Variants in BCAS3 observed in about 807,000 individuals in gnomAD.
The protein encoded by BCAS3 is BCAS3 microtubule associated cell migration factor.
Under a neutral mutation model 116.1 loss-of-function variants are expected in BCAS3, and 53 were observed. The observed-to-expected ratio is 0.46, with a 90% confidence interval of 0.37 to 0.57. The LOEUF (loss-of-function observed/expected upper bound fraction) is 0.57. Among genes scored for constraint, BCAS3 ranks in the 20% least tolerant of loss-of-function variants. The pLI is 0.00. For synonymous variants in BCAS3, 391 were observed against 408.2 expected (o/e 0.96, Z 0.51); for missense variants, 917 against 1,165.4 (o/e 0.79, Z 3.10).
rs73990938 is a variant in BCAS3, at chr17:60,678,817, C to T, written c.-5-636C>T. ...TCTCAACATAAAATTGCAGTAAATT[C>T]CCATCCCATGATCTGGTTCTCTCAC... On this transcript the variant is annotated intron_variant, in intron 1 of 23. Coordinates refer to ENST00000407086, the MANE Select transcript of BCAS3 (RefSeq NM_017679.5). Among the ~76,000 whole-genome samples the T allele has an allele frequency of 5.5e-3, 835 of 152,266 alleles. 5 individuals are homozygous for T. The highest frequency in any genetic ancestry group is 0.019 in the African/African-American group (807 of 41,552).
At chr17:60,896,464 A>G (rs9905011) in intron 10 of BCAS3, among the ~76,000 whole-genome samples, 28,581 of 152,154 alleles carry the variant, frequency 0.19, 3,265 homozygotes, top group African/African-American at 0.32. Context: ...GATATAGTAT[A>G]TACTAATATT....
At position 61,391,728 on chromosome 17, in the gene BCAS3, G is replaced by T. The variant is rs1023132301; in HGVS notation, c.2594-249G>T. Reference sequence around the variant, plus strand: ...GGTGGCCGTGCTTCGGGCCTAAAGGGCTTCCCGCAGCAGGGAGACGGTGCT... The same window carrying T: ...GGTGGCCGTGCTTCGGGCCTAAAGGTCTTCCCGCAGCAGGGAGACGGTGCT... On this transcript the variant is annotated intron_variant, in intron 23 of 23. Transcript: ENST00000407086. This position sits in a 1 kb window ranked among gnomAD's most constrained non-coding sequence, Gnocchi z 7.7. 1 of 522,422 alleles carries T rather than the reference G, an allele frequency of 1.9e-6. No individual in the cohort carries two copies. Among genetic ancestry groups the T allele is most frequent in the Non-Finnish European group, 3.4e-6 (1 of 291,114 alleles). The allele number at this position is 522,422 out of a possible 1,614,324, so 32.4% of individuals were successfully genotyped here.
Position 60,902,632 on chromosome 17 carries a change from C to A in BCAS3, c.751C>A (p.His251Asn). 6.2e-7 allele frequency: 1 copy of A among 1,610,656 alleles called. No individual in the cohort carries two copies. Among genetic ancestry groups the A allele is most frequent in the Non-Finnish European group, 8.5e-7 (1 of 1,176,930 alleles). The stretch of plus-strand genomic sequence containing the variant: ...CTCTTTTTCTCAGTTGATTCGATGT[C>A]ATCAGTCCCGTGGTGGAGCCTGTGG... ...AYAENKLIRC[H>N]QSRGGACGDN... Residue 251 changes from histidine to asparagine, a missense_variant, in exon 11 of 24, where the codon CAT becomes AAT. Coordinates refer to ENST00000407086, the MANE Select transcript of BCAS3 (RefSeq NM_017679.5).
intron 22 of BCAS3, among the ~76,000 whole-genome samples, chr17:61,360,537 TCTG>T (rs1341453900): frequency 6.6e-6 from 1 of 152,210 alleles, no homozygotes; most frequent in East Asian, 1.9e-4. Flanking sequence ...CCTTGCTTCT[TCTG>T]GCTTCTCACC....
At chr17:61,384,132 G>A (rs947307060) in intron 23 of BCAS3, among the ~76,000 whole-genome samples, 6 of 152,192 alleles carry the variant, frequency 3.9e-5, no homozygotes, top group South Asian at 2.1e-4. Context: ...GAGTGGTGGC[G>A]TGGCAGCACC....
In BCAS3 at chr17:61,185,804, C is replaced by T. The variant is rs2079735923; in HGVS notation, c.2425+101240C>T. 2.0e-5 allele frequency among the ~76,000 whole-genome samples: 3 copies of T among 152,120 alleles called. No individual in the cohort carries two copies. The South Asian group carries it at 6.2e-4, about 32-fold the overall frequency. On this transcript the variant is annotated intron_variant, in intron 22 of 23. Coordinates refer to ENST00000407086, the MANE Select transcript of BCAS3 (RefSeq NM_017679.5). ...AAAATTTGAGTGAGAAATCGGTTAC[C>T]TTATACAGTTAAACATAGTTTAATG... is the stretch of plus-strand genomic sequence containing the variant.
chr17:61,042,037 T>C (rs2067551648), intron 19 of BCAS3, among the ~76,000 whole-genome samples: 1 of 152,016 alleles, frequency 6.6e-6, no homozygotes, highest in African/African-American at 2.4e-5. Flanking sequence ...AGCAGTGACG[T>C]GTGTTGCCTA....
At chr17:61,148,056 G>T (rs567366706) in intron 22 of BCAS3, among the ~76,000 whole-genome samples, 4 of 152,206 alleles carry the variant, frequency 2.6e-5, no homozygotes, top group African/African-American at 9.6e-5. Context: ...GATACAGTAT[G>T]TGCTAAATTC....
At chr17:61,025,301 A>G in intron 16 of BCAS3, among the ~76,000 whole-genome samples, 1 of 152,060 alleles carries the variant, frequency 6.6e-6, no homozygotes, top group Non-Finnish European at 1.5e-5. Context: ...TCTTTAATGA[A>G]GTAGAATAAA....
rs2033173602 is a variant in BCAS3, at chr17:60,681,810, A to ACCTCCG, written c.84-2166_84-2161dup. ...GATGGCACGATCTCGGCTCACCGCAACCTCCGCCTCCTGGGTTCAAGCGAT... is the reference window on the plus strand; with the variant it reads ...GATGGCACGATCTCGGCTCACCGCAACCTCCGCCTCCGCCTCCTGGGTTCAAGCGAT... On this transcript the variant is annotated intron_variant, in intron 2 of 23. Coordinates refer to ENST00000407086, the MANE Select transcript of BCAS3 (RefSeq NM_017679.5). Among the ~76,000 whole-genome samples, 3 of 151,934 alleles carry ACCTCCG rather than the reference A, an allele frequency of 2.0e-5. No homozygotes were observed. In the South Asian group the frequency reaches 6.2e-4, roughly 32 times the overall value.
intron 22 of BCAS3, among the ~76,000 whole-genome samples, chr17:61,296,092 C>A (rs2052878393): frequency 6.6e-6 from 1 of 152,126 alleles, no homozygotes; most frequent in East Asian, 1.9e-4. Flanking sequence ...TTGGTTTTGC[C>A]AGTGATATTT....
chr17:60,947,413 G>T, intron 14 of BCAS3, 61 bp downstream of exon 14: 1 of 1,486,846 alleles, frequency 6.7e-7, no homozygotes, highest in Middle Eastern at 1.8e-4. Flanking sequence ...TACTCTAGCT[G>T]GTCATTTATA....
At chr17:60,704,443 T>C (rs73332394) in intron 4 of BCAS3, among the ~76,000 whole-genome samples, 10,655 of 152,194 alleles carry the variant, frequency 0.07, 1,246 homozygotes, top group African/African-American at 0.24. Context: ...TTTCATTGTA[T>C]AACAAGAAGA....
intron 5 of BCAS3, among the ~76,000 whole-genome samples, chr17:60,720,756 G>A (rs1222462144): frequency 6.6e-6 from 1 of 152,212 alleles, no homozygotes; most frequent in African/African-American, 2.4e-5. Context: ...ATATGCATAG[G>A]TTATGTGCAG....
In BCAS3 at chr17:60,716,958, T is replaced by G. The variant is rs903823101; in HGVS notation, c.321+7633T>G. On this transcript the variant is annotated intron_variant, in intron 5 of 23. Coordinates refer to ENST00000407086, the MANE Select transcript of BCAS3 (RefSeq NM_017679.5). ...CTGAACAAAACAAAGTCATTCTCTT[T>G]GTGGAATTTCCATTCTGGTAGGTGG... Among the ~76,000 whole-genome samples the G allele has an allele frequency of 2.6e-4, 39 of 152,266 alleles. 1 individual carries two copies. The highest frequency in any genetic ancestry group is 8.4e-4 in the African/African-American group (35 of 41,552).
chr17:61,328,948 G>A (rs1454088868), intron 22 of BCAS3, among the ~76,000 whole-genome samples: 1 of 145,922 alleles, frequency 6.9e-6, no homozygotes, highest in Non-Finnish European at 1.5e-5. Context: ...AGGCTGGAGT[G>A]CAGTGGTGCA....
chr17:61,092,486 T>C (rs965437886), intron 22 of BCAS3, among the ~76,000 whole-genome samples: 7 of 152,212 alleles, frequency 4.6e-5, no homozygotes, highest in Non-Finnish European at 1.0e-4. Flanking sequence ...TTTGCATTCC[T>C]ATCAGCAATG....
rs1471790186 is a variant in BCAS3 at position 61,220,254 on chromosome 17, A to G, written c.2425+135690A>G. On this transcript the variant is annotated intron_variant, in intron 22 of 23. Transcript: ENST00000407086. The surrounding 1 kb of genome is among the most constrained non-coding windows in gnomAD (Gnocchi z 4.5). ...GGTTGCAGTGAGCCAAGATTGTGCC[A>G]CTGCACTTCAGCCTGGGCAACAGAG... is the stretch of plus-strand genomic sequence containing the variant. Among the ~76,000 whole-genome samples, 1 of 151,994 alleles carries G rather than the reference A, an allele frequency of 6.6e-6. No homozygotes were observed. The highest frequency in any genetic ancestry group is 2.4e-5 in the African/African-American group (1 of 41,386).
At chr17:60,841,520 C>T (rs899480161) in intron 7 of BCAS3, among the ~76,000 whole-genome samples, 1 of 149,904 alleles carries the variant, frequency 6.7e-6, no homozygotes, top group Admixed American at 6.6e-5. Context: ...GCTGGGACTA[C>T]AGGTGCCCGC....
Sources: allele counts gnomAD v4.1 joint callset (sites outside exome capture counted in the v4.1 genomes callset), GRCh38; gene constraint gnomAD v4.1.1; non-coding constraint Gnocchi (gnomAD v3.1); transcripts MANE v1.5; gene names NCBI Gene and HGNC (gene_info 2026-07-23, HGNC 2026-07-21).